SMAD9: variants seen among roughly 807,000 people sequenced by gnomAD.
The protein encoded by SMAD9 is MAD homolog 9.
Under a neutral mutation model 46.1 loss-of-function variants are expected in SMAD9, and 36 were observed. The observed-to-expected ratio is 0.78, with a 90% CI of 0.60 to 1.03. The LOEUF (loss-of-function observed/expected upper bound fraction) is 1.03. Ranked by LOEUF, SMAD9 falls within the 50% of genes least tolerant of loss-of-function variation. SMAD9 has a pLI of 0.00. For synonymous variants in SMAD9, 245 were observed against 237.1 expected (o/e 1.03, Z -0.31); for missense variants, 572 against 599.8 (o/e 0.95, Z 0.48).
At chr13:36,861,590 A>G (rs2058182977) in intron 5 of SMAD9, among the ~76,000 whole-genome samples, 1 of 147,414 alleles carries the variant, frequency 6.8e-6, no homozygotes, top group Non-Finnish European at 1.5e-5. Flanking sequence ...TGCTGGGATT[A>G]CAGGCATGAG....
intron 1 of SMAD9, among the ~76,000 whole-genome samples, chr13:36,915,545 AAGAGAGAG>A (rs138874977): frequency 6.6e-6 from 1 of 150,674 alleles, no homozygotes; most frequent in South Asian, 2.1e-4. Context: ...GAATGAGACA[AAGAGAGAG>A]AGAGAGAGAG....
intron 1 of SMAD9, among the ~76,000 whole-genome samples, chr13:36,890,597 T>C (rs1377827616): frequency 5.9e-5 from 9 of 152,228 alleles, no homozygotes; most frequent in Non-Finnish European, 1.0e-4. Flanking sequence ...GGAAGAGATA[T>C]TTCTCTTTGT....
intron 1 of SMAD9, among the ~76,000 whole-genome samples, chr13:36,912,080 G>T (rs1355820334): frequency 6.6e-6 from 1 of 152,178 alleles, no homozygotes; most frequent in East Asian, 1.9e-4. Flanking sequence ...TGCTTAGCTA[G>T]GAGTTGTGGC....
chr13:36,865,146 TG>T (rs1427712076), intron 5 of SMAD9, among the ~76,000 whole-genome samples: 2 of 152,244 alleles, frequency 1.3e-5, no homozygotes, highest in African/African-American at 4.8e-5. Flanking sequence ...GAACTTCACC[TG>T]ATACAAATAA....
rs140401161 is a variant in SMAD9, at chr13:36,862,232, G to A, written c.1003+3305C>T. ...AGTAAAATAAGGTGGAGACCTACTG[G>A]GCTGCATTCCCAGGATGCTAGGAAT... On this transcript the variant is annotated intron_variant, in intron 5 of 6. Coordinates refer to ENST00000379826, the MANE Select transcript of SMAD9 (RefSeq NM_001127217.3). 4.3e-4 allele frequency among the ~76,000 whole-genome samples: 66 copies of A among 152,168 alleles called. No individual in the cohort carries two copies. The East Asian group carries it at 0.012, about 28-fold the overall frequency.
intron 1 of SMAD9, among the ~76,000 whole-genome samples, chr13:36,894,910 G>T (rs923801445): frequency 1.3e-5 from 2 of 152,104 alleles, no homozygotes; most frequent in Non-Finnish European, 2.9e-5. Context: ...ACACTACTTG[G>T]CCATGATTTA....
chr13:36,897,970 C>T (rs573050962), intron 1 of SMAD9, among the ~76,000 whole-genome samples: 21 of 151,064 alleles, frequency 1.4e-4, no homozygotes, highest in Non-Finnish European at 2.2e-4. Flanking sequence ...CATTCTCCTG[C>T]CTCAGCCTCC....
Position 36,920,184 on chromosome 13 carries a change from AG to A in SMAD9, c.-256del. 1.4e-5 allele frequency: 1 copy of A among 73,110 alleles called. No homozygotes were observed. Among genetic ancestry groups the A allele is most frequent in the Non-Finnish European group, 3.9e-5 (1 of 25,664 alleles). 4.5% of individuals were successfully genotyped at this position (73,110 alleles called of 1,614,324 possible). ...CGGCGGGGACCGAGACAGCGGCTGC[AG>A]CAGCGGCGGCGGCGGCGGCGGCGGC... On this transcript the variant is annotated 5_prime_UTR_variant, in exon 1 of 7. Transcript: ENST00000379826.
chr13:36,872,325 T>A (rs1183326440), intron 3 of SMAD9, among the ~76,000 whole-genome samples: 2 of 150,358 alleles, frequency 1.3e-5, no homozygotes, highest in Non-Finnish European at 3.0e-5. Context: ...TCAGGCCAAG[T>A]CTTCTGCTTG....
chr13:36,915,888 A>G (rs760884426), intron 1 of SMAD9, among the ~76,000 whole-genome samples: 3 of 152,262 alleles, frequency 2.0e-5, no homozygotes, highest in Non-Finnish European at 4.4e-5. Context: ...TCCCAATTAA[A>G]ACGGTACAAC....
At chr13:36,882,317 G>A (rs1433941769) in intron 1 of SMAD9, among the ~76,000 whole-genome samples, 2 of 151,352 alleles carry the variant, frequency 1.3e-5, no homozygotes, top group African/African-American at 4.9e-5. Context: ...TGTTAAGTTG[G>A]GTTACAATAA....
chr13:36,879,680 T>C lies in SMAD9; in HGVS notation c.10A>G (p.Thr4Ala). MHS[T>A]TPISSLFSFT... is the part of the protein sequence containing the mutation. ...GAGAAGAGGGAGCTGATGGGGGTGG[T>C]GGAGTGCATAAGAGGCCACAGCAGG... Residue 4 changes from threonine to alanine, a missense_variant, in exon 2 of 7, where the codon ACC becomes GCC. By Grantham distance (58) the Thr-to-Ala change is moderately conservative. Transcript: ENST00000379826. 1 of 1,613,930 alleles carries C rather than the reference T, an allele frequency of 6.2e-7. No individual in the cohort carries two copies. Among genetic ancestry groups the C allele is most frequent in the Non-Finnish European group, 8.5e-7 (1 of 1,179,998 alleles).
At chr13:36,901,866 T>C (rs2058579345) in intron 1 of SMAD9, among the ~76,000 whole-genome samples, 1 of 152,262 alleles carries the variant, frequency 6.6e-6, no homozygotes, top group Non-Finnish European at 1.5e-5. Flanking sequence ...ATTTTTGTTG[T>C]TGCATTGTTA....
At position 36,847,663 on chromosome 13, in the gene SMAD9, A is replaced by G. The variant is rs2058045337; in HGVS notation, c.*1013T>C. On this transcript the variant is annotated 3_prime_UTR_variant, in exon 7 of 7. Transcript: ENST00000379826. ...CTTTAGTGATCTGCAAAGAGTTAAT[A>G]TTTGCCAAGAGGCAGGAAAACGTGG... 6.6e-6 allele frequency: 1 copy of G among 152,230 alleles called. No individual in the cohort carries two copies. The highest frequency in any genetic ancestry group is 2.1e-4 in the South Asian group (1 of 4,834). 9.4% of individuals were successfully genotyped at this position (152,230 alleles called of 1,614,324 possible).
At chr13:36,914,710 T>A (rs1473115317) in intron 1 of SMAD9, among the ~76,000 whole-genome samples, 1 of 152,184 alleles carries the variant, frequency 6.6e-6, no homozygotes, top group East Asian at 1.9e-4. Flanking sequence ...ACTGATGGAA[T>A]CTGTGAATCC....
intron 1 of SMAD9, among the ~76,000 whole-genome samples, chr13:36,891,211 AG>A (rs1216239012): frequency 2.7e-5 from 4 of 148,622 alleles, no homozygotes; most frequent in Non-Finnish European, 1.5e-5. Flanking sequence ...ATTTCTAAAA[AG>A]CCCTTTAAAA....
Position 36,866,695 on chromosome 13 carries a change from C to A in SMAD9, c.781+578G>T, listed in dbSNP as rs185820692. Among the ~76,000 whole-genome samples the A allele has an allele frequency of 5.9e-5, 9 of 152,280 alleles. No individual in the cohort carries two copies. The East Asian group carries it at 1.3e-3, about 23-fold the overall frequency. On this transcript the variant is annotated intron_variant, in intron 4 of 6. Coordinates refer to ENST00000379826, the MANE Select transcript of SMAD9 (RefSeq NM_001127217.3). ...TACACTTCTTTAGAACCTCTCTACTCAAGATCTGGCTCATGGAACAGTAGC... is the reference window on the plus strand; with the variant it reads ...TACACTTCTTTAGAACCTCTCTACTAAAGATCTGGCTCATGGAACAGTAGC...
rs1295296102 is a variant in SMAD9, at chr13:36,917,987, TAGTAA to T, written c.-187+2124_-187+2128del. Among the ~76,000 whole-genome samples the T allele has an allele frequency of 4.0e-5, 5 of 124,240 alleles. 1 individual carries two copies. The East Asian group carries it at 1.1e-3, about 28-fold the overall frequency. 81.5% of individuals were successfully genotyped at this position (124,240 alleles called of 152,430 possible). A position where few individuals can be genotyped will look rare whatever the true frequency, so the allele number is the denominator to read the frequency against. On this transcript the variant is annotated intron_variant, in intron 1 of 6. Transcript: ENST00000379826. ...TTTTCCCTCCAACTGACCACATGAT[TAGTAA>T]AGATAGTGTACCACTTGTTTATTAC...
chr13:36,892,631 C>T (rs1484643054), intron 1 of SMAD9, among the ~76,000 whole-genome samples: 1 of 152,134 alleles, frequency 6.6e-6, no homozygotes, highest in Non-Finnish European at 1.5e-5. Flanking sequence ...ATGGATCGGA[C>T]TACATCAGGA....
Sources: gnomAD v4.1 joint callset for allele counts (sites outside exome capture counted in the v4.1 genomes callset) on GRCh38, gnomAD v4.1.1 for gene constraint, MANE v1.5 for transcripts, NCBI Gene and HGNC (gene_info 2026-07-23, HGNC 2026-07-21) for gene names.